Variants in KDM4C observed in about 807,000 individuals in gnomAD.
The protein encoded by KDM4C is lysine demethylase 4C, also known as lysine-specific demethylase 4C.
KDM4C carries 81 observed loss-of-function variants against 129.3 expected under a neutral mutation model. The observed-to-expected ratio is 0.63, with a 90% CI of 0.52 to 0.75. The LOEUF (loss-of-function observed/expected upper bound fraction) is 0.75. Among genes scored for constraint, KDM4C ranks in the 30% least tolerant of loss-of-function variants. The pLI is 0.00. For missense variants in KDM4C, 1,457 were observed against 1,304.0 expected (o/e 1.12, Z -1.81); for synonymous variants, 573 against 456.1 (o/e 1.26, Z -3.26).
At chr9:6,829,720 G>T (rs1330743623) in intron 4 of KDM4C, among the ~76,000 whole-genome samples, 1 of 152,178 alleles carries the variant, frequency 6.6e-6, no homozygotes, top group East Asian at 1.9e-4. Flanking sequence ...TCTTGTCTTG[G>T]ATTGGTGTCT....
intron 2 of KDM4C, among the ~76,000 whole-genome samples, chr9:6,796,247 C>G (rs892450711): frequency 3.9e-5 from 6 of 152,128 alleles, no homozygotes; most frequent in Non-Finnish European, 8.8e-5. Context: ...GAGTTCGAGA[C>G]CAGCCTGGCC....
intron 8 of KDM4C, among the ~76,000 whole-genome samples, chr9:6,911,295 A>G (rs1259697922): frequency 6.6e-6 from 1 of 152,234 alleles, no homozygotes; most frequent in African/African-American, 2.4e-5. Flanking sequence ...AGCGATGAGG[A>G]ATCTGAAAGA....
chr9:7,079,559 T>A (rs1032450471), intron 17 of KDM4C, among the ~76,000 whole-genome samples: 1 of 152,202 alleles, frequency 6.6e-6, no homozygotes, highest in Non-Finnish European at 1.5e-5. Context: ...TGACCTCAAG[T>A]GATCTGCCCA....
intron 1 of KDM4C, among the ~76,000 whole-genome samples, chr9:6,760,490 G>T (rs1463146044): frequency 6.7e-6 from 1 of 148,840 alleles, no homozygotes; most frequent in African/African-American, 2.5e-5. Flanking sequence ...TTAAACATCT[G>T]TTGAATGACT....
chr9:6,995,599 T>G (rs1462117871), intron 12 of KDM4C, among the ~76,000 whole-genome samples: 2 of 152,216 alleles, frequency 1.3e-5, no homozygotes, highest in Non-Finnish European at 2.9e-5. Flanking sequence ...GCTAGGTTTG[T>G]TTACATTGGA....
intron 1 of KDM4C, among the ~76,000 whole-genome samples, chr9:6,771,849 C>G (rs891747106): frequency 4.0e-5 from 6 of 151,858 alleles, no homozygotes; most frequent in African/African-American, 1.2e-4. Flanking sequence ...AATGGGTGAC[C>G]TGCATGGTAG....
intron 2 of KDM4C, among the ~76,000 whole-genome samples, chr9:6,795,237 C>T (rs1827499119): frequency 6.6e-6 from 1 of 152,208 alleles, no homozygotes; most frequent in Non-Finnish European, 1.5e-5. Flanking sequence ...ACTCCTCCTG[C>T]AAATGGACCT....
chr9:6,983,423 T>C (rs141173141), intron 9 of KDM4C, among the ~76,000 whole-genome samples: 11 of 152,336 alleles, frequency 7.2e-5, no homozygotes, highest in African/African-American at 1.7e-4. Context: ...GAAAATAGTA[T>C]GTTGATGTAC....
intron 6 of KDM4C, 131 bp from the exon 7 acceptor site, chr9:6,887,829 C>CT: frequency 1.7e-6 from 1 of 586,416 alleles, no homozygotes; most frequent in Non-Finnish European, 3.1e-6. Context: ...AGTACAAGGG[C>CT]TTTTTGGCAG....
intron 13 of KDM4C, 151 bp downstream of exon 13, chr9:7,012,030 A>G: frequency 1.6e-6 from 1 of 624,472 alleles, no homozygotes; most frequent in Non-Finnish European, 2.8e-6. Flanking sequence ...AACCACAAAC[A>G]GTTTCTACAT....
intron 8 of KDM4C, among the ~76,000 whole-genome samples, chr9:6,906,854 C>G (rs921476825): frequency 6.6e-6 from 1 of 152,082 alleles, no homozygotes; most frequent in African/African-American, 2.4e-5. Context: ...AATGAAATTG[C>G]CTTTAAATAT....
exon 1 of KDM4C, chr9:6,720,885 A>G: frequency 7.1e-7 from 1 of 1,416,662 alleles, no homozygotes. Context: ...ATGGTCTGTG[A>G]CCTGAAAGTT....
At chr9:6,871,975 T>C (rs1306893129) in intron 5 of KDM4C, among the ~76,000 whole-genome samples, 3 of 152,250 alleles carry the variant, frequency 2.0e-5, no homozygotes, top group Middle Eastern at 3.4e-3. Flanking sequence ...TGGCTGAAAT[T>C]TATAATGGTC....
intron 10 of KDM4C, among the ~76,000 whole-genome samples, chr9:6,985,673 TA>T (rs2131855857): frequency 6.6e-6 from 1 of 152,294 alleles, no homozygotes; most frequent in African/African-American, 2.4e-5. Flanking sequence ...GATATTTCAC[TA>T]TAGTCCCTTT....
chr9:7,094,792 A>G (rs78873424), intron 17 of KDM4C, among the ~76,000 whole-genome samples: 1 of 152,146 alleles, frequency 6.6e-6, no homozygotes, highest in South Asian at 2.1e-4. Flanking sequence ...GGGTATTTCA[A>G]CTCAATCATA....
chr9:6,917,268 C>T (rs757956286), intron 8 of KDM4C, among the ~76,000 whole-genome samples: 2 of 131,554 alleles, frequency 1.5e-5, no homozygotes, highest in African/African-American at 2.9e-5. Flanking sequence ...ATGCCTTCCT[C>T]TGATCTACAC....
intron 8 of KDM4C, among the ~76,000 whole-genome samples, chr9:6,938,608 C>T (rs1825249683): frequency 6.6e-6 from 1 of 152,176 alleles, no homozygotes; most frequent in Non-Finnish European, 1.5e-5. Flanking sequence ...TTTCATTCTC[C>T]CTGATTTTTA....
intron 8 of KDM4C, among the ~76,000 whole-genome samples, chr9:6,929,796 T>C (rs1823341622): frequency 6.6e-6 from 1 of 152,170 alleles, no homozygotes; most frequent in South Asian, 2.1e-4. Flanking sequence ...TATTAAAAAG[T>C]TCATCTTCCC....
At position 6,856,820 on chromosome 9, in the gene KDM4C, C is replaced by G. The variant is rs371427542; in HGVS notation, c.629+7120C>G. ...GGCCGGACTGCGGACTGCAGTGGCG[C>G]AATCTCGGCTCACTGCAAGCTCCGC... On this transcript the variant is annotated intron_variant, in intron 5 of 21. Transcript: ENST00000381309. Among the ~76,000 whole-genome samples, 3 of 148,556 alleles carry G rather than the reference C, an allele frequency of 2.0e-5. No individual in the cohort carries two copies. In the South Asian group the frequency reaches 6.4e-4, roughly 31 times the overall value.
Sources: gnomAD v4.1 joint callset for allele counts (sites outside exome capture counted in the v4.1 genomes callset) on GRCh38, gnomAD v4.1.1 for gene constraint, MANE v1.5 for transcripts, NCBI Gene and HGNC (gene_info 2026-07-23, HGNC 2026-07-21) for gene names.